Variants in CIB2 observed in about 807,000 individuals in gnomAD.
The protein encoded by CIB2 is calcium and integrin binding family member 2, also known as calcium and integrin-binding family member 2.
In CIB2, 19 loss-of-function variants were observed where a neutral mutation model predicts 23.1. The observed-to-expected ratio is 0.82, with a 90% confidence interval of 0.57 to 1.21. The LOEUF (loss-of-function observed/expected upper bound fraction) is 1.21, where lower values mean the gene tolerates loss of function less well. Ranked by LOEUF, CIB2 falls within the 50% of genes most tolerant of loss-of-function variation. The pLI is 0.00. For synonymous variants in CIB2, 94 were observed against 91.7 expected (o/e 1.03, Z -0.14); for missense variants, 220 against 241.5 (o/e 0.91, Z 0.59).
intron 1 of CIB2, among the ~76,000 whole-genome samples, chr15:78,124,227 A>G (rs912985861): frequency 3.3e-5 from 5 of 152,132 alleles, no homozygotes; most frequent in African/African-American, 1.2e-4. Flanking sequence ...TTCCAGGCAC[A>G]TAGACTGGGG....
intron 3 of CIB2, among the ~76,000 whole-genome samples, chr15:78,109,928 G>A (rs943537710): frequency 6.6e-6 from 1 of 152,108 alleles, no homozygotes; most frequent in Non-Finnish European, 1.5e-5. Context: ...GCACACAGAG[G>A]CTCTGCCTGG....
intron 3 of CIB2, among the ~76,000 whole-genome samples, chr15:78,110,007 C>T (rs1246478417): frequency 6.6e-6 from 1 of 152,012 alleles, no homozygotes; most frequent in Non-Finnish European, 1.5e-5. Context: ...CAGCTCAGGC[C>T]GTGTCAGGCC....
intron 2 of CIB2, among the ~76,000 whole-genome samples, chr15:78,115,989 CAG>C (rs1054665692): frequency 3.3e-5 from 5 of 150,114 alleles, no homozygotes; most frequent in African/African-American, 1.2e-4. Context: ...CAACTGAAGA[CAG>C]AAAATATTTG....
chr15:78,110,533 A>G (rs1055465393), intron 3 of CIB2: 5 of 403,704 alleles, frequency 1.2e-5, no homozygotes, highest in Non-Finnish European at 2.0e-5. Context: ...TCCCACTGCA[A>G]TGGGGAGTTG....
chr15:78,116,465 A>C (rs1359395538), intron 2 of CIB2, among the ~76,000 whole-genome samples: 1 of 142,636 alleles, frequency 7.0e-6, no homozygotes, highest in Non-Finnish European at 1.5e-5. Flanking sequence ...CCTGCCTGAC[A>C]AAAAAAAAAA....
At chr15:78,122,761 G>A (rs1035138289) in intron 2 of CIB2, among the ~76,000 whole-genome samples, 3 of 152,232 alleles carry the variant, frequency 2.0e-5, no homozygotes, top group Non-Finnish European at 4.4e-5. Flanking sequence ...TCTCTAAGGT[G>A]GTGGAAGTGG....
chr15:78,122,452 T>G (rs2074332669), intron 2 of CIB2, among the ~76,000 whole-genome samples: 1 of 152,180 alleles, frequency 6.6e-6, no homozygotes, highest in Non-Finnish European at 1.5e-5. Context: ...CCAAGAACTC[T>G]GAAAGGTAAA....
chr15:78,107,298 C>T (rs1413658608), intron 4 of CIB2, among the ~76,000 whole-genome samples: 1 of 152,122 alleles, frequency 6.6e-6, no homozygotes, highest in Non-Finnish European at 1.5e-5. Flanking sequence ...ACATCCCGGT[C>T]ATTGTTGGAC....
At chr15:78,121,552 C>A (rs544750081) in intron 2 of CIB2, among the ~76,000 whole-genome samples, 2 of 152,276 alleles carry the variant, frequency 1.3e-5, no homozygotes, top group East Asian at 1.9e-4. Flanking sequence ...GTAATTGAAT[C>A]ATGGGGGCAG....
intron 3 of CIB2, 97 bp downstream of exon 3, chr15:78,111,068 C>T: frequency 9.9e-7 from 1 of 1,010,854 alleles, no homozygotes; most frequent in Non-Finnish European, 1.6e-6. Context: ...CACGCAGACA[C>T]AAAGGGTGGA....
At chr15:78,108,353 C>T (rs761435090) in intron 4 of CIB2, among the ~76,000 whole-genome samples, 8 of 152,158 alleles carry the variant, frequency 5.3e-5, no homozygotes, top group Non-Finnish European at 1.2e-4. Flanking sequence ...TGGGTCCCAG[C>T]CCCTTCCTAG....
intron 4 of CIB2, 35 bp downstream of exon 4, chr15:78,109,200 C>CGCGGGG: frequency 8.6e-7 from 1 of 1,159,168 alleles, no homozygotes; most frequent in South Asian, 1.3e-5. Flanking sequence ...GTTCCCCCAC[C>CGCGGGG]GCATATTCAG....
At position 78,129,155 on chromosome 15, in the gene CIB2, C is replaced by T. The variant is rs141744054; in HGVS notation, c.51+2010G>A. ...TACCAGGCTGGGAGGTCCCAAGAAA[C>T]CCTAGGTGTCACTTAGGGGAGAGGG... On this transcript the variant is annotated intron_variant, in intron 1 of 5. Transcript: ENST00000258930. 6.3e-3 allele frequency among the ~76,000 whole-genome samples: 964 copies of T among 152,170 alleles called. 12 individuals are homozygous for T. Among genetic ancestry groups the T allele is most frequent in the African/African-American group, 0.022 (922 of 41,522 alleles).
rs12442384 is a variant in CIB2, at chr15:78,128,403, G to A, written c.51+2762C>T. The stretch of plus-strand genomic sequence containing the variant: ...TAAGAAATGAGGCTGGAGGCCCGGC[G>A]CGGTGGCTCACACCTGTAATCCCAA... On this transcript the variant is annotated intron_variant, in intron 1 of 5. Transcript: ENST00000258930. Among the ~76,000 whole-genome samples, 370 of 152,324 alleles carry A rather than the reference G, an allele frequency of 2.4e-3. 3 individuals are homozygous for A. Among genetic ancestry groups the A allele is most frequent in the African/African-American group, 8.2e-3 (342 of 41,562 alleles).
intron 1 of CIB2, among the ~76,000 whole-genome samples, chr15:78,129,647 G>A (rs1261157320): frequency 1.3e-5 from 2 of 152,084 alleles, no homozygotes; most frequent in East Asian, 1.9e-4. Flanking sequence ...TCCACCACCT[G>A]CCTCTATCAC....
At chr15:78,127,974 C>A (rs540457733) in intron 1 of CIB2, among the ~76,000 whole-genome samples, 31 of 152,332 alleles carry the variant, frequency 2.0e-4, no homozygotes, top group African/African-American at 7.0e-4. Context: ...GAATCTTTGT[C>A]TAGAGTTCTT....
Position 78,131,168 on chromosome 15 carries a change from G to C in CIB2, c.48C>G (p.Tyr16Ter), listed in dbSNP as rs757748764. 5.7e-6 allele frequency: 9 copies of C among 1,590,764 alleles called. No individual in the cohort carries two copies. The highest frequency in any genetic ancestry group is 3.4e-5 in the Admixed American group (2 of 58,812). Reference sequence around the variant, plus strand: ...GGGCCGGGCGCGCCGAGCTCACCTGGTAGTTGTCTAGCTGCTCTTCGGTGA... The same window carrying C: ...GGGCCGGGCGCGCCGAGCTCACCTGCTAGTTGTCTAGCTGCTCTTCGGTGA... ...TIFTEEQLDNYQDCTFFNKKD... is the reference protein window; with the variant it reads ...TIFTEEQLDN The change falls in exon 1 of 6, where the codon TAC becomes TAG. Residue 16 changes from tyrosine (Y) to a stop codon, truncating the protein, a stop_gained. Coordinates refer to ENST00000258930, the MANE Select transcript of CIB2 (RefSeq NM_006383.4). LOFTEE classifies it high-confidence loss of function. The surrounding 1 kb of genome is among the most constrained non-coding windows in gnomAD (Gnocchi z 5.8).
At chr15:78,122,963 G>A (rs1044022842) in intron 2 of CIB2, among the ~76,000 whole-genome samples, 3 of 152,218 alleles carry the variant, frequency 2.0e-5, no homozygotes, top group African/African-American at 7.2e-5. Context: ...CTGGGACTTT[G>A]CTGGCTTTTA....
At chr15:78,120,327 G>A (rs2074300750) in intron 2 of CIB2, among the ~76,000 whole-genome samples, 1 of 152,016 alleles carries the variant, frequency 6.6e-6, no homozygotes, top group African/African-American at 2.4e-5. Flanking sequence ...TCTCTTGACT[G>A]GCTTCATTTT....
Sources: gnomAD v4.1 joint callset for allele counts (sites outside exome capture counted in the v4.1 genomes callset) on GRCh38, gnomAD v4.1.1 for gene constraint, Gnocchi (gnomAD v3.1) non-coding constraint, MANE v1.5 for transcripts, NCBI Gene and HGNC (gene_info 2026-07-23, HGNC 2026-07-21) for gene names.